Variants in MRRF observed in about 807,000 individuals in gnomAD.
MRRF encodes the protein mitochondrial ribosome recycling factor.
In MRRF, 18 loss-of-function variants were observed where a neutral mutation model predicts 25.1. The ratio of observed to expected loss-of-function variants is 0.72; its 90% CI spans 0.50 to 1.06. The LOEUF (loss-of-function observed/expected upper bound fraction) is 1.06. Among genes scored for constraint, MRRF ranks in the 50% least tolerant of loss-of-function variants. The pLI is 0.00. For missense variants in MRRF, 323 were observed against 319.3 expected (o/e 1.01, Z -0.09); for synonymous variants, 113 against 112.1 (o/e 1.01, Z -0.05).
chr9:122,276,497 C>G (rs1416415761), intron 2 of MRRF, among the ~76,000 whole-genome samples: 1 of 152,142 alleles, frequency 6.6e-6, no homozygotes, highest in African/African-American at 2.4e-5. Context: ...GGTCATTTCT[C>G]AATATTTAAA....
intron 4 of MRRF, among the ~76,000 whole-genome samples, chr9:122,291,227 T>C (rs1833740061): frequency 6.6e-6 from 1 of 152,218 alleles, no homozygotes; most frequent in African/African-American, 2.4e-5. Context: ...CACACTACCT[T>C]TGCGGGAGCA....
chr9:122,313,524 T>C, intron 6 of MRRF, 138 bp downstream of exon 6: 1 of 1,034,408 alleles, frequency 9.7e-7, no homozygotes, highest in South Asian at 1.3e-5. Flanking sequence ...GTCTCTGTTC[T>C]GGGCCTAGCC....
chr9:122,313,205 A>G (rs777848212), intron 5 of MRRF, 22 bp from the exon 6 acceptor site: 1 of 1,612,350 alleles, frequency 6.2e-7, no homozygotes. Flanking sequence ...GATTTTGTTG[A>G]ATGTCTTTTG....
At chr9:122,317,064 G>A (rs933628914) in intron 6 of MRRF, among the ~76,000 whole-genome samples, 3 of 135,926 alleles carry the variant, frequency 2.2e-5, no homozygotes, top group Non-Finnish European at 3.3e-5. Context: ...TAAGGTTGCA[G>A]TGAATATATA....
At chr9:122,308,699 C>CAAAAAA (rs776774424) in intron 5 of MRRF, among the ~76,000 whole-genome samples, 1 of 60,102 alleles carries the variant, frequency 1.7e-5, no homozygotes, top group African/African-American at 6.6e-5. Context: ...ACTCCATCTC[C>CAAAAAA]AAAAAAAAAA....
Position 122,280,616 on chromosome 9 carries a change from T to A in MRRF, c.340+18T>A, listed in dbSNP as rs1833045219. The A allele has an allele frequency of 1.2e-6, 2 of 1,612,350 alleles. No individual in the cohort carries two copies. Among genetic ancestry groups the A allele is most frequent in the Non-Finnish European group, 1.7e-6 (2 of 1,178,654 alleles). On this transcript the variant is annotated intron_variant, in intron 3 of 6. Transcript: ENST00000344641. ...CTCACCAGGTTAGTGACTGAACCAA[T>A]GTTCTGGGGAGGGATGTAATGGAAA... is the stretch of plus-strand genomic sequence containing the variant.
At chr9:122,266,272 T>G (rs1269041661) in intron 1 of MRRF, among the ~76,000 whole-genome samples, 2 of 152,160 alleles carry the variant, frequency 1.3e-5, no homozygotes, top group Non-Finnish European at 1.5e-5. Context: ...AAGAATTAAG[T>G]GCTATGATGA....
At chr9:122,291,283 T>C (rs1833745232) in intron 4 of MRRF, among the ~76,000 whole-genome samples, 1 of 152,324 alleles carries the variant, frequency 6.6e-6, no homozygotes, top group Admixed American at 6.5e-5. Flanking sequence ...TGAGTGAGTT[T>C]GGTGTGAGTG....
chr9:122,290,572 A>C (rs985879357), intron 4 of MRRF, among the ~76,000 whole-genome samples: 1 of 152,238 alleles, frequency 6.6e-6, no homozygotes, highest in Non-Finnish European at 1.5e-5. Context: ...GAGAACCCAG[A>C]AAAGTAAAAT....
chr9:122,329,841 C>T lies in MRRF; in HGVS notation c.*7224C>T, dbSNP rs1485488789. ...TGTGAATTCCTGGCAAGAAAGTCCC[C>T]TGCTGTCTTAGTCTGTGCATTCTCT... On this transcript the variant is annotated 3_prime_UTR_variant, in exon 7 of 7. Coordinates refer to ENST00000344641, the MANE Select transcript of MRRF (RefSeq NM_138777.5). 1.3e-5 allele frequency: 2 copies of T among 152,318 alleles called. No individual in the cohort carries two copies. Among genetic ancestry groups the T allele is most frequent in the Non-Finnish European group, 2.9e-5 (2 of 68,102 alleles). 9.4% of individuals were successfully genotyped at this position (152,318 alleles called of 1,614,324 possible).
Position 122,285,206 on chromosome 9 carries a change from G to C in MRRF, c.378G>C (p.Gly126=), listed in dbSNP as rs1322823672. ...LDKIAVVTAD[G]KLALNQISQI... is the part of the protein sequence containing the mutation. ...AGATTGCTGTGGTAACTGCTGACGG[G>C]AAGCTTGCTTTAAACCAGATTAGCC... Residue 126 remains glycine, a synonymous_variant, in exon 4 of 7, where the codon GGG becomes GGC. Coordinates refer to ENST00000344641, the MANE Select transcript of MRRF (RefSeq NM_138777.5). 6.2e-7 allele frequency: 1 copy of C among 1,613,954 alleles called. No individual in the cohort carries two copies. The highest frequency in any genetic ancestry group is 1.1e-5 in the South Asian group (1 of 91,082).
At chr9:122,283,602 TATG>T (rs1254125939) in intron 3 of MRRF, among the ~76,000 whole-genome samples, 1 of 152,250 alleles carries the variant, frequency 6.6e-6, no homozygotes, top group African/African-American at 2.4e-5. Flanking sequence ...CCTTCTGTCT[TATG>T]ATGACATTGA....
chr9:122,286,208 G>T, intron 4 of MRRF: 4 of 1,287,224 alleles, frequency 3.1e-6, no homozygotes, highest in Non-Finnish European at 4.1e-6. Context: ...TTCAGTAGTT[G>T]TATTCCAAAG....
At chr9:122,293,342 G>A (rs1050854442) in intron 5 of MRRF, among the ~76,000 whole-genome samples, 5 of 152,080 alleles carry the variant, frequency 3.3e-5, no homozygotes, top group African/African-American at 1.2e-4. Context: ...CCTAGTTGTG[G>A]AAATTTAGGC....
chr9:122,317,933 C>G (rs1248432164), intron 6 of MRRF, among the ~76,000 whole-genome samples: 1 of 151,990 alleles, frequency 6.6e-6, no homozygotes, highest in Admixed American at 6.6e-5. Context: ...GTCAGGAGAT[C>G]GAGACCGTCC....
At chr9:122,269,144 C>T (rs1008187533) in intron 1 of MRRF, among the ~76,000 whole-genome samples, 2 of 148,618 alleles carry the variant, frequency 1.3e-5, no homozygotes, top group Non-Finnish European at 3.0e-5. Context: ...CCAGCCTGGG[C>T]GACAGAGTGA....
At chr9:122,320,864 G>A (rs1835853131) in intron 6 of MRRF, among the ~76,000 whole-genome samples, 1 of 152,214 alleles carries the variant, frequency 6.6e-6, no homozygotes, top group South Asian at 2.1e-4. Context: ...TTGGCACCAT[G>A]CTGCAGCCCT....
rs60970582 is a variant in MRRF, at chr9:122,297,898, G to A, written c.551+6058G>A. On this transcript the variant is annotated intron_variant, in intron 5 of 6. Coordinates refer to ENST00000344641, the MANE Select transcript of MRRF (RefSeq NM_138777.5). ...TTGATGTGGTTCTTTTAGGAAACCC[G>A]ATTGGTATTTTAATGCCTCCCCTGG... is the stretch of plus-strand genomic sequence containing the variant. 3.0e-3 allele frequency among the ~76,000 whole-genome samples: 462 copies of A among 152,244 alleles called. 4 individuals are homozygous for A. The highest frequency in any genetic ancestry group is 0.011 in the African/African-American group (445 of 41,526).
Position 122,271,084 on chromosome 9 carries a change from A to T in MRRF, c.184+9A>T. Reference sequence around the variant, plus strand: ...TACCAAGAAAGCCAAAGGTAGAGACATGTGACGTTCTCTCCTACTTCACCC... The same window carrying T: ...TACCAAGAAAGCCAAAGGTAGAGACTTGTGACGTTCTCTCCTACTTCACCC... On this transcript the variant is annotated intron_variant, in intron 2 of 6. Coordinates refer to ENST00000344641, the MANE Select transcript of MRRF (RefSeq NM_138777.5). The T allele has an allele frequency of 6.2e-7, 1 of 1,612,540 alleles. No individual in the cohort carries two copies. Among genetic ancestry groups the T allele is most frequent in the Admixed American group, 1.7e-5 (1 of 60,022 alleles).
Sources: gnomAD v4.1 joint callset for allele counts (sites outside exome capture counted in the v4.1 genomes callset) on GRCh38, gnomAD v4.1.1 for gene constraint, MANE v1.5 for transcripts, NCBI Gene and HGNC (gene_info 2026-07-23, HGNC 2026-07-21) for gene names.